Variants in ERC2 observed in about 807,000 individuals in gnomAD.
The protein encoded by ERC2 is ERC protein 2.
ERC2 carries 42 observed loss-of-function variants against 114.8 expected under a neutral mutation model. The ratio of observed to expected loss-of-function variants is 0.37; its 90% CI spans 0.29 to 0.47. ERC2 has a LOEUF of 0.47. ERC2 is among the 20% of genes least tolerant of loss of function. ERC2 has a pLI of 0.99. For missense variants in ERC2, 939 were observed against 1,150.7 expected, an observed-to-expected ratio of 0.82 and a Z score of 2.66; for synonymous variants, 454 against 425.5, an observed-to-expected ratio of 1.07 and a Z score of -0.82.
In ERC2 at chr3:55,624,376, G is replaced by A. The variant is rs143665842; in HGVS notation, c.*39+59418C>T. On this transcript the variant is annotated intron_variant, in intron 17 of 17. Transcript: ENST00000288221. ...AATAAAGAGGAACTGACAATGTGTC[G>A]CCACGGGAGGGACACAGAGAACGTG... Among the ~76,000 whole-genome samples the A allele has an allele frequency of 3.6e-3, 541 of 152,288 alleles. 5 individuals are homozygous for A. The highest frequency in any genetic ancestry group is 0.012 in the African/African-American group (510 of 41,564).
At chr3:56,055,686 G>A (rs530316115) in intron 7 of ERC2, among the ~76,000 whole-genome samples, 13 of 152,314 alleles carry the variant, frequency 8.5e-5, no homozygotes, top group Middle Eastern at 3.4e-3. Context: ...GCCACTCTCC[G>A]GGGGCCTATC....
At chr3:55,785,051 C>T (rs9843690) in intron 14 of ERC2, among the ~76,000 whole-genome samples, 11,579 of 152,198 alleles carry the variant, frequency 0.076, 762 homozygotes, top group African/African-American at 0.18. Flanking sequence ...CTGTGGAGGG[C>T]TCGGAAAGGG....
At chr3:56,173,726 T>C in intron 3 of ERC2, 1 of 531,292 alleles carries the variant, frequency 1.9e-6, no homozygotes, top group Non-Finnish European at 3.3e-6. Flanking sequence ...ACATGCGCTA[T>C]TTCTGAAACT....
Position 56,131,132 on chromosome 3 carries a change from G to T in ERC2, c.1473+8377C>A, listed in dbSNP as rs140886671. Among the ~76,000 whole-genome samples, 334 of 152,152 alleles carry T rather than the reference G, an allele frequency of 2.2e-3. 4 individuals carry two copies. The highest frequency in any genetic ancestry group is 7.4e-3 in the African/African-American group (307 of 41,508). The stretch of plus-strand genomic sequence containing the variant: ...GTTCCCAACATTTTTTTTCCTACTG[G>T]TAATAAACCATTTTGCAGACCTCCC... On this transcript the variant is annotated intron_variant, in intron 6 of 17. Transcript: ENST00000288221.
At chr3:56,336,467 ATG>A (rs1362430275) in intron 2 of ERC2, among the ~76,000 whole-genome samples, 1 of 152,112 alleles carries the variant, frequency 6.6e-6, no homozygotes, top group Admixed American at 6.6e-5. Context: ...GGGTGTGGTG[ATG>A]AATGCAGATG....
intron 14 of ERC2, among the ~76,000 whole-genome samples, chr3:55,805,973 T>A (rs1435437465): frequency 6.6e-6 from 1 of 152,230 alleles, no homozygotes; most frequent in East Asian, 1.9e-4. Context: ...AAAGTTCATA[T>A]GAAGCATTAC....
At chr3:55,864,795 C>T (rs2062221063) in intron 14 of ERC2, among the ~76,000 whole-genome samples, 1 of 152,108 alleles carries the variant, frequency 6.6e-6, no homozygotes, top group Non-Finnish European at 1.5e-5. Context: ...CCACCACAGC[C>T]ATCATCATTG....
At chr3:56,372,158 A>C (rs1252815508) in intron 2 of ERC2, among the ~76,000 whole-genome samples, 1 of 152,258 alleles carries the variant, frequency 6.6e-6, no homozygotes, top group Non-Finnish European at 1.5e-5. Context: ...GAACTGTACA[A>C]GCTGCAATGT....
At chr3:55,801,185 C>T (rs564607515) in intron 14 of ERC2, among the ~76,000 whole-genome samples, 3 of 152,318 alleles carry the variant, frequency 2.0e-5, no homozygotes, top group Non-Finnish European at 2.9e-5. Context: ...TTACATATTA[C>T]TTAATACAAT....
intron 7 of ERC2, among the ~76,000 whole-genome samples, chr3:56,068,164 C>T (rs563116412): frequency 1.3e-5 from 2 of 152,244 alleles, no homozygotes; most frequent in South Asian, 4.1e-4. Context: ...AATCCATCTG[C>T]TCCTGGGCTT....
intron 9 of ERC2, 33 bp downstream of exon 9, chr3:56,010,416 A>C (rs1342093329): frequency 1.2e-6 from 2 of 1,607,906 alleles, no homozygotes; most frequent in African/African-American, 2.7e-5. Flanking sequence ...TATGAGGACT[A>C]TCAATGTGGT....
intron 6 of ERC2, among the ~76,000 whole-genome samples, chr3:56,127,171 G>A (rs1422173263): frequency 6.6e-6 from 1 of 152,122 alleles, no homozygotes; most frequent in Non-Finnish European, 1.5e-5. Flanking sequence ...AGAAACTGAA[G>A]ACGACACAAA....
At chr3:56,349,096 A>G (rs2058450494) in intron 2 of ERC2, among the ~76,000 whole-genome samples, 1 of 152,246 alleles carries the variant, frequency 6.6e-6, no homozygotes, top group Non-Finnish European at 1.5e-5. Context: ...CTCTAAAGCA[A>G]AGCTTTTAGA....
At chr3:56,351,711 G>A (rs2058559625) in intron 2 of ERC2, among the ~76,000 whole-genome samples, 2 of 152,124 alleles carry the variant, frequency 1.3e-5, no homozygotes, top group Admixed American at 6.5e-5. Flanking sequence ...GAGAACTAGT[G>A]CACAGATGTA....
intron 7 of ERC2, among the ~76,000 whole-genome samples, chr3:56,034,761 A>T (rs549206279): frequency 8.8e-4 from 134 of 152,284 alleles, no homozygotes; most frequent in Non-Finnish European, 1.6e-3. Flanking sequence ...AAATTTAAAA[A>T]TATATTGAAA....
intron 7 of ERC2, among the ~76,000 whole-genome samples, chr3:56,032,107 A>T (rs1041878118): frequency 3.3e-5 from 5 of 152,168 alleles, no homozygotes; most frequent in African/African-American, 1.2e-4. Context: ...CTCTCTACAC[A>T]CCAGCTCCTA....
chr3:55,912,482 C>CTGTA (rs537710116), intron 13 of ERC2, among the ~76,000 whole-genome samples: 7 of 152,164 alleles, frequency 4.6e-5, no homozygotes, highest in Non-Finnish European at 1.0e-4. Flanking sequence ...TATTACCCTA[C>CTGTA]TGTATGTATG....
intron 1 of ERC2, among the ~76,000 whole-genome samples, chr3:56,436,989 C>T (rs532043001): frequency 4.6e-5 from 7 of 152,170 alleles, no homozygotes; most frequent in Non-Finnish European, 1.0e-4. Context: ...TTACATATGC[C>T]AGGTGACTGA....
intron 3 of ERC2, among the ~76,000 whole-genome samples, chr3:56,242,937 C>T (rs2051423165): frequency 6.6e-6 from 1 of 152,176 alleles, no homozygotes. Flanking sequence ...TTCTGATATA[C>T]ATACGTTTCA....
Sources: allele counts gnomAD v4.1 joint callset (sites outside exome capture counted in the v4.1 genomes callset), GRCh38; gene constraint gnomAD v4.1.1; transcripts MANE v1.5; gene names NCBI Gene and HGNC (gene_info 2026-07-23, HGNC 2026-07-21).